Variants in DHX57 observed in about 807,000 individuals in gnomAD.
The protein encoded by DHX57 is putative ATP-dependent RNA helicase DHX57.
Under a neutral mutation model 156.2 loss-of-function variants are expected in DHX57, and 105 were observed. The observed-to-expected ratio is 0.67, with a 90% CI of 0.57 to 0.79. The LOEUF (loss-of-function observed/expected upper bound fraction) is 0.79, where lower values mean the gene tolerates loss of function less well. Among genes scored for constraint, DHX57 ranks in the 30% least tolerant of loss-of-function variants. The pLI, the probability that DHX57 is intolerant of heterozygous loss-of-function variation, is 0.00. For synonymous variants in DHX57, 704 were observed against 595.6 expected (o/e 1.18, Z -2.65); for missense variants, 1,847 against 1,661.9 (o/e 1.11, Z -1.94).
rs1672768635 is a variant in DHX57 at position 38,854,348 on chromosome 2, G to A, written c.1906-170C>T. ...TTTCTTGCCAGGGACAGTAATAAAA[G>A]CCTTTCTACTTCATATCACAATGTT... is the stretch of plus-strand genomic sequence containing the variant. On this transcript the variant is annotated intron_variant, in intron 8 of 23. Coordinates refer to ENST00000457308, the MANE Select transcript of DHX57 (RefSeq NM_198963.3). 1.1e-5 allele frequency: 6 copies of A among 531,576 alleles called. No homozygotes were observed. The East Asian group carries it at 2.1e-4, about 19-fold the overall frequency. 32.9% of individuals were successfully genotyped at this position (531,576 alleles called of 1,614,324 possible).
At position 38,864,760 on chromosome 2, in the gene DHX57, C is replaced by A. The variant is rs145039286; in HGVS notation, c.225-1241G>T. 3.9e-3 allele frequency among the ~76,000 whole-genome samples: 597 copies of A among 152,238 alleles called. 5 individuals carry two copies. The highest frequency in any genetic ancestry group is 0.014 in the African/African-American group (570 of 41,544). On this transcript the variant is annotated intron_variant, in intron 2 of 23. Transcript: ENST00000457308. ...ACCCATCTCTCCTCCCTCTAGCTCCCTTATAGTAAAACTTCTCATTTAGGT... is the reference window on the plus strand; with the variant it reads ...ACCCATCTCTCCTCCCTCTAGCTCCATTATAGTAAAACTTCTCATTTAGGT...
intron 1 of DHX57, among the ~76,000 whole-genome samples, chr2:38,875,083 C>T (rs1437656097): frequency 1.3e-5 from 2 of 152,176 alleles, no homozygotes; most frequent in African/African-American, 4.8e-5. Context: ...ACAACTAGAT[C>T]TGAGATATGC....
Position 38,823,010 on chromosome 2 carries a change from C to G in DHX57, c.3274G>C (p.Ala1092Pro). 6.2e-7 allele frequency: 1 copy of G among 1,614,018 alleles called. No individual in the cohort carries two copies. Among genetic ancestry groups the G allele is most frequent in the Non-Finnish European group, 8.5e-7 (1 of 1,179,966 alleles). ...TTACTTACAAACGGAGACTTAAAAG[C>G]CAAACTGGCAGCAATGGTGAGAGCA... ...DPALTIAASLAFKSPFVSPWD... is the reference protein window; with the variant it reads ...DPALTIAASLPFKSPFVSPWD... The change falls in exon 17 of 24, where the codon GCT becomes CCT. Residue 1092 changes from alanine (A) to proline (P), a missense_variant. By Grantham distance (27) the Ala-to-Pro change is conservative. Transcript: ENST00000457308.
At chr2:38,835,742 A>AT (rs1558380024) in intron 13 of DHX57, among the ~76,000 whole-genome samples, 2 of 152,360 alleles carry the variant, frequency 1.3e-5, no homozygotes, top group Non-Finnish European at 2.9e-5. Flanking sequence ...CACGGTTGTT[A>AT]TTGAAAAAGT....
chr2:38,846,229 T>A (rs1672282569), intron 11 of DHX57, among the ~76,000 whole-genome samples: 1 of 152,216 alleles, frequency 6.6e-6, no homozygotes, highest in Non-Finnish European at 1.5e-5. Flanking sequence ...ACTTTGCAAG[T>A]ATTAATTCAT....
chr2:38,875,378 C>T (rs948792639), intron 1 of DHX57, among the ~76,000 whole-genome samples: 2 of 152,184 alleles, frequency 1.3e-5, no homozygotes, highest in Non-Finnish European at 2.9e-5. Context: ...TATCCAGCTC[C>T]ATCCAGATAT....
intron 1 of DHX57, among the ~76,000 whole-genome samples, chr2:38,869,969 T>C (rs952523935): frequency 6.6e-6 from 1 of 152,098 alleles, no homozygotes; most frequent in African/African-American, 2.4e-5. Flanking sequence ...ATGATGACAA[T>C]GTCATATCAA....
rs530310255 is a variant in DHX57 at position 38,866,662 on chromosome 2, T to C, written c.224+1520A>G. On this transcript the variant is annotated intron_variant, in intron 2 of 23. Transcript: ENST00000457308. ...AGTCCCTAAAACAGTGCCTGGTGCATGGTAGGCATTCAGTAAATACTTACC... is the reference window on the plus strand; with the variant it reads ...AGTCCCTAAAACAGTGCCTGGTGCACGGTAGGCATTCAGTAAATACTTACC... Among the ~76,000 whole-genome samples the C allele has an allele frequency of 2.8e-3, 422 of 152,312 alleles. 1 individual carries two copies. The highest frequency in any genetic ancestry group is 9.7e-3 in the African/African-American group (404 of 41,568).
intron 9 of DHX57, chr2:38,853,562 T>C (rs1302044702): frequency 6.6e-6 from 1 of 152,358 alleles, no homozygotes; most frequent in Admixed American, 6.5e-5. Flanking sequence ...CTTGTTTACT[T>C]GTTCATTATT....
intron 12 of DHX57, chr2:38,838,884 C>T (rs557125550): frequency 1.0e-4 from 42 of 417,024 alleles, no homozygotes; most frequent in Non-Finnish European, 1.9e-4. Flanking sequence ...ATCTGGTAAA[C>T]GATGTAGTTC....
At chr2:38,874,743 GA>G (rs912369928) in intron 1 of DHX57, among the ~76,000 whole-genome samples, 3 of 151,872 alleles carry the variant, frequency 2.0e-5, no homozygotes, top group Admixed American at 6.6e-5. Context: ...GTTGGGTTGG[GA>G]AAAATCCACC....
intron 13 of DHX57, among the ~76,000 whole-genome samples, chr2:38,837,117 G>A (rs1371596111): frequency 1.3e-5 from 2 of 152,066 alleles, no homozygotes; most frequent in Non-Finnish European, 2.9e-5. Flanking sequence ...TCAAAGTGCT[G>A]GGATTACAAG....
chr2:38,826,181 AG>A, intron 15 of DHX57, 134 bp from the exon 16 acceptor site: 2 of 952,598 alleles, frequency 2.1e-6, no homozygotes. Flanking sequence ...GGGATAGTTG[AG>A]CCCCTGGTAG....
At position 38,832,503 on chromosome 2, in the gene DHX57, C is replaced by T. The variant is rs543501787; in HGVS notation, c.2543-4067G>A. ...CAGAAGAGAGCAGCCATTCTCATTT[C>T]TCTTAAGTTCTTTATGATCACATAG... On this transcript the variant is annotated intron_variant, in intron 13 of 23. Transcript: ENST00000457308. 6.6e-5 allele frequency among the ~76,000 whole-genome samples: 10 copies of T among 151,150 alleles called. No homozygotes were observed. In the South Asian group the frequency reaches 2.1e-3, roughly 31 times the overall value.
chr2:38,869,611 G>A (rs1183385575), intron 1 of DHX57, among the ~76,000 whole-genome samples: 1 of 152,200 alleles, frequency 6.6e-6, no homozygotes, highest in East Asian at 1.9e-4. Flanking sequence ...CCTCCCAGAG[G>A]AGCAACAACA....
intron 4 of DHX57, 65 bp from the exon 5 acceptor site, chr2:38,861,902 T>C (rs568098717): frequency 6.9e-7 from 1 of 1,457,352 alleles, no homozygotes; most frequent in South Asian, 1.4e-5. Flanking sequence ...TACAGTAAAA[T>C]TCATTTAAAT....
chr2:38,851,998 A>G (rs1180828920), intron 9 of DHX57, among the ~76,000 whole-genome samples: 2 of 151,924 alleles, frequency 1.3e-5, no homozygotes, highest in South Asian at 2.1e-4. Context: ...GAGATTTCCA[A>G]TGTTTTCTGT....
At chr2:38,869,754 T>C (rs556120621) in intron 1 of DHX57, among the ~76,000 whole-genome samples, 192 of 152,332 alleles carry the variant, frequency 1.3e-3, no homozygotes, top group African/African-American at 4.6e-3. Flanking sequence ...TACAGTATGT[T>C]ATCCAAAATG....
intron 8 of DHX57, 102 bp from the exon 9 acceptor site, chr2:38,854,280 A>G: frequency 8.1e-7 from 1 of 1,231,878 alleles, no homozygotes; most frequent in Non-Finnish European, 1.1e-6. Flanking sequence ...AAATATTGGA[A>G]ACACCAGCAG....
Sources: allele counts gnomAD v4.1 joint callset (sites outside exome capture counted in the v4.1 genomes callset), GRCh38; gene constraint gnomAD v4.1.1; transcripts MANE v1.5; gene names NCBI Gene and HGNC (gene_info 2026-07-23, HGNC 2026-07-21).